The following NRG1 variants were observed in gnomAD, a reference collection of about 807,000 sequenced individuals.
The protein encoded by NRG1 is neuregulin 1.
Under a neutral mutation model 63.8 loss-of-function variants are expected in NRG1, and 18 were observed. That is an observed-to-expected ratio of 0.28 (90% CI 0.19 to 0.42). The LOEUF (loss-of-function observed/expected upper bound fraction) is 0.42, where lower values mean the gene tolerates loss of function less well. NRG1 is among the 10% of genes least tolerant of loss of function. The pLI is 1.00. For synonymous variants in NRG1, 302 were observed against 301.3 expected (o/e 1.00, Z -0.02); for missense variants, 762 against 814.7 (o/e 0.94, Z 0.79).
At chr8:32,447,028 T>TTTATTTATTTAC (rs1820342049) in intron 1 of NRG1, among the ~76,000 whole-genome samples, 1 of 151,458 alleles carries the variant, frequency 6.6e-6, no homozygotes, top group Non-Finnish European at 1.5e-5. Flanking sequence ...TATTTATTTA[T>TTTATTTATTTAC]TTTGAGACAG....
intron 1 of NRG1, among the ~76,000 whole-genome samples, chr8:32,106,424 C>T (rs777484397): frequency 1.3e-5 from 2 of 152,140 alleles, no homozygotes; most frequent in African/African-American, 4.8e-5. Context: ...GCTCAGGTAG[C>T]ATAGAGGCAA....
intron 1 of NRG1, among the ~76,000 whole-genome samples, chr8:32,576,798 T>C (rs750714751): frequency 5.3e-5 from 8 of 151,562 alleles, no homozygotes; most frequent in African/African-American, 9.7e-5. Flanking sequence ...TTTATATTTA[T>C]ATTTATATTA....
intron 6 of NRG1, among the ~76,000 whole-genome samples, chr8:32,729,588 A>G (rs1431574971): frequency 3.9e-5 from 6 of 152,238 alleles, no homozygotes; most frequent in African/African-American, 7.2e-5. Flanking sequence ...TAGAGAGGCA[A>G]TTGAACTGAT....
At chr8:32,583,093 T>C (rs1342596148) in intron 1 of NRG1, among the ~76,000 whole-genome samples, 1 of 152,118 alleles carries the variant, frequency 6.6e-6, no homozygotes, top group Non-Finnish European at 1.5e-5. Flanking sequence ...GTATATGTAG[T>C]TTTTCAGATA....
intron 1 of NRG1, among the ~76,000 whole-genome samples, chr8:32,523,050 C>A (rs971707339): frequency 6.6e-6 from 1 of 152,126 alleles, no homozygotes; most frequent in Non-Finnish European, 1.5e-5. Flanking sequence ...GATCCTCCAC[C>A]CTCAGCCTCC....
At chr8:32,450,361 G>C (rs1317610168) in intron 1 of NRG1, among the ~76,000 whole-genome samples, 1 of 151,968 alleles carries the variant, frequency 6.6e-6, no homozygotes, top group East Asian at 1.9e-4. Flanking sequence ...CAATGGTTGT[G>C]TCTGTGAATA....
rs548019573 is a variant in NRG1 at position 32,231,575 on chromosome 8, A to G, written c.38-364253A>G. Among the ~76,000 whole-genome samples, 96 of 152,046 alleles carry G rather than the reference A, an allele frequency of 6.3e-4. 1 individual carries two copies. The highest frequency in any genetic ancestry group is 1.2e-3 in the Non-Finnish European group (83 of 68,006). On this transcript the variant is annotated intron_variant, in intron 1 of 10. Coordinates refer to the NRG1 transcript ENST00000519301. ...TCTGATTTTTCTACCTTGAATGTAAATTTTTTGTTTGTAATATGGCACTTT... is the reference window on the plus strand; with the variant it reads ...TCTGATTTTTCTACCTTGAATGTAAGTTTTTTGTTTGTAATATGGCACTTT...
At chr8:32,004,797 A>G (rs1464179711) in intron 1 of NRG1, among the ~76,000 whole-genome samples, 1 of 151,984 alleles carries the variant, frequency 6.6e-6, no homozygotes, top group East Asian at 2.0e-4. Context: ...GTGGTGGGAA[A>G]AATGGGATGG....
chr8:31,687,137 T>G (rs1227119887), intron 1 of NRG1, among the ~76,000 whole-genome samples: 1 of 152,096 alleles, frequency 6.6e-6, no homozygotes, highest in Non-Finnish European at 1.5e-5. Context: ...AAGAGAATAT[T>G]CCTGAAAAAA....
At chr8:32,486,639 T>TTTC (rs1462610601) in intron 1 of NRG1, among the ~76,000 whole-genome samples, 3 of 151,876 alleles carry the variant, frequency 2.0e-5, no homozygotes, top group Non-Finnish European at 4.4e-5. Flanking sequence ...TTTTTTTTTT[T>TTTC]TTTGGAATGG....
chr8:32,345,208 C>G (rs1249191404), intron 1 of NRG1, among the ~76,000 whole-genome samples: 1 of 152,134 alleles, frequency 6.6e-6, no homozygotes, highest in Non-Finnish European at 1.5e-5. Context: ...AAATGTCTTC[C>G]TTGCTCTTCC....
intron 1 of NRG1, among the ~76,000 whole-genome samples, chr8:31,740,349 T>C (rs1815136325): frequency 6.6e-6 from 1 of 152,082 alleles, no homozygotes; most frequent in African/African-American, 2.4e-5. Flanking sequence ...CTATAGCAGA[T>C]GGTATCCTGC....
chr8:32,176,350 G>A (rs1382505114), intron 1 of NRG1, among the ~76,000 whole-genome samples: 2 of 152,154 alleles, frequency 1.3e-5, no homozygotes, highest in East Asian at 3.9e-4. Flanking sequence ...AGACTTAAAT[G>A]TTAGACCTGA....
At chr8:32,363,051 A>C (rs923700099) in intron 1 of NRG1, among the ~76,000 whole-genome samples, 7 of 152,194 alleles carry the variant, frequency 4.6e-5, no homozygotes, top group African/African-American at 1.7e-4. Context: ...GTTTCAGTCC[A>C]TTAGTCTGAG....
intron 1 of NRG1, among the ~76,000 whole-genome samples, chr8:31,952,312 T>G (rs1303997250): frequency 1.3e-5 from 2 of 152,148 alleles, no homozygotes; most frequent in Non-Finnish European, 2.9e-5. Flanking sequence ...AATCATAACA[T>G]AATAATTGAT....
intron 1 of NRG1, among the ~76,000 whole-genome samples, chr8:32,462,177 A>G (rs1822400360): frequency 1.3e-5 from 2 of 152,196 alleles, no homozygotes; most frequent in African/African-American, 4.8e-5. Context: ...AGAAGGTTGG[A>G]GGTTTTACGA....
At chr8:32,621,307 T>C (rs1409556251) in intron 5 of NRG1, among the ~76,000 whole-genome samples, 1 of 152,232 alleles carries the variant, frequency 6.6e-6, no homozygotes, top group East Asian at 1.9e-4. Context: ...TAAAAACTTA[T>C]AAATAATTGC....
intron 5 of NRG1, among the ~76,000 whole-genome samples, chr8:32,718,451 A>G (rs1819796752): frequency 6.6e-6 from 1 of 152,106 alleles, no homozygotes; most frequent in South Asian, 2.1e-4. Context: ...CACTAGTCTC[A>G]TCTCCATGTT....
intron 1 of NRG1, among the ~76,000 whole-genome samples, chr8:32,528,602 TC>T (rs1831127689): frequency 6.6e-6 from 1 of 152,220 alleles, no homozygotes; most frequent in South Asian, 2.1e-4. Context: ...GAGAAATTCT[TC>T]TCTTCTTCCC....
Sources: allele counts gnomAD v4.1 joint callset (sites outside exome capture counted in the v4.1 genomes callset), GRCh38; gene constraint gnomAD v4.1.1; transcripts MANE v1.5; gene names NCBI Gene and HGNC (gene_info 2026-07-23, HGNC 2026-07-21).